POC5: variants seen among roughly 807,000 people sequenced by gnomAD.
The protein encoded by POC5 is centrosomal protein POC5.
POC5 carries 48 observed loss-of-function variants against 62.9 expected under a neutral mutation model. The observed-to-expected ratio is 0.76, with a 90% CI of 0.61 to 0.97. POC5 has a LOEUF of 0.97. Ranked by LOEUF, POC5 falls within the 50% of genes least tolerant of loss-of-function variation. POC5 has a pLI of 0.00. For synonymous variants in POC5, 236 were observed against 228.2 expected (o/e 1.03, Z -0.31); for missense variants, 696 against 679.5 (o/e 1.02, Z -0.27).
intron 1 of POC5, 101 bp downstream of exon 1, chr5:75,717,205 C>G (rs1320712720): frequency 6.6e-6 from 1 of 152,386 alleles, no homozygotes; most frequent in Non-Finnish European, 1.5e-5. Flanking sequence ...TGGGGAAGAG[C>G]CCAGGGGGAG....
At chr5:75,702,937 C>T (rs922489873) in intron 4 of POC5, 127 bp from the exon 5 acceptor site, 15 of 693,634 alleles carry the variant, frequency 2.2e-5, no homozygotes, top group Middle Eastern at 3.7e-4. Flanking sequence ...AGAGAAACTA[C>T]CTTTCAGGTG....
Position 75,689,183 on chromosome 5 carries a change from A to T in POC5, c.976-18T>A. ...CCAGATAACTAAAATAAGAATGTTT[A>T]AAAAGCAAAACAATTTGAGATACAA... On this transcript the variant is annotated intron_variant, in intron 8 of 11. Coordinates refer to ENST00000428202, the MANE Select transcript of POC5 (RefSeq NM_001099271.2). The T allele has an allele frequency of 6.6e-7, 1 of 1,515,530 alleles. No homozygotes were observed. 93.9% of individuals were successfully genotyped at this position (1,515,530 alleles called of 1,614,324 possible).
chr5:75,711,212 T>C (rs1261956506), intron 2 of POC5, among the ~76,000 whole-genome samples: 2 of 152,302 alleles, frequency 1.3e-5, no homozygotes, highest in African/African-American at 4.8e-5. Flanking sequence ...ATAAACAATA[T>C]TGGCTTTCTT....
intron 4 of POC5, among the ~76,000 whole-genome samples, chr5:75,703,512 G>C (rs1399087108): frequency 6.6e-6 from 1 of 152,078 alleles, no homozygotes; most frequent in African/African-American, 2.4e-5. Flanking sequence ...TATAGTCCCA[G>C]CTACTCGGGA....
chr5:75,711,409 T>A (rs2112212395), intron 2 of POC5, among the ~76,000 whole-genome samples: 1 of 152,280 alleles, frequency 6.6e-6, no homozygotes, highest in East Asian at 1.9e-4. Flanking sequence ...GCACTATGGA[T>A]GCTGCCCATC....
intron 5 of POC5, among the ~76,000 whole-genome samples, chr5:75,700,697 A>T (rs1561476450): frequency 6.8e-6 from 1 of 146,728 alleles, no homozygotes; most frequent in Middle Eastern, 3.4e-3. Context: ...AGCAATGGCA[A>T]CAAAAGCCAA....
intron 5 of POC5, among the ~76,000 whole-genome samples, chr5:75,695,339 C>A (rs576448292): frequency 6.6e-6 from 1 of 151,992 alleles, no homozygotes; most frequent in Non-Finnish European, 1.5e-5. Flanking sequence ...CTGACTGGCA[C>A]AAATAAAAAG....
chr5:75,712,435 G>A, intron 2 of POC5: 1 of 1,612,174 alleles, frequency 6.2e-7, no homozygotes. Context: ...TGAATGTTGT[G>A]ACAACAGAGA....
At chr5:75,703,423 T>TG (rs2112180311) in intron 4 of POC5, among the ~76,000 whole-genome samples, 1 of 151,432 alleles carries the variant, frequency 6.6e-6, no homozygotes, top group Admixed American at 6.6e-5. Flanking sequence ...GTCCAGAGAT[T>TG]GAGACCATCC....
Position 75,688,737 on chromosome 5 carries a change from A to G in POC5, c.1129+275T>C, listed in dbSNP as rs78281118. Among the ~76,000 whole-genome samples, 970 of 152,362 alleles carry G rather than the reference A, an allele frequency of 6.4e-3. 13 individuals carry two copies. Among genetic ancestry groups the G allele is most frequent in the African/African-American group, 0.022 (922 of 41,590 alleles). ...TTCTTAGTTAAAAGAGATTTAAAAT[A>G]ATGCTATACATTAAAATATTATTTT... On this transcript the variant is annotated intron_variant, in intron 9 of 11. Coordinates refer to ENST00000428202, the MANE Select transcript of POC5 (RefSeq NM_001099271.2).
At chr5:75,695,017 T>C (rs1316167776) in intron 5 of POC5, among the ~76,000 whole-genome samples, 186 bp from the exon 6 acceptor site, 1 of 152,238 alleles carries the variant, frequency 6.6e-6, no homozygotes, top group African/African-American at 2.4e-5. Flanking sequence ...GCAGTTCACA[T>C]TCATCATACT....
intron 11 of POC5, among the ~76,000 whole-genome samples, chr5:75,675,703 A>G (rs1219929234): frequency 6.6e-6 from 1 of 152,236 alleles, no homozygotes; most frequent in Non-Finnish European, 1.5e-5. Flanking sequence ...CCAGTCACCT[A>G]ATTAGTTGCC....
chr5:75,701,384 G>A (rs1776872434), intron 5 of POC5, among the ~76,000 whole-genome samples: 1 of 129,298 alleles, frequency 7.7e-6, no homozygotes, highest in South Asian at 2.9e-4. Context: ...GGAATACTAT[G>A]CAGCCATAAA....
intron 11 of POC5, 28 bp downstream of exon 11, chr5:75,677,746 G>C: frequency 6.6e-7 from 1 of 1,518,178 alleles, no homozygotes; most frequent in South Asian, 1.3e-5. Flanking sequence ...AAGACTTTTT[G>C]ACAAAAGGTC....
chr5:75,712,171 CA>C (rs1777372590), intron 2 of POC5: 1 of 246,138 alleles, frequency 4.1e-6, no homozygotes. Context: ...CGTACAGAAT[CA>C]ATAACAATTT....
chr5:75,679,923 A>G (rs937216919), intron 10 of POC5, among the ~76,000 whole-genome samples: 2 of 152,172 alleles, frequency 1.3e-5, no homozygotes, highest in Non-Finnish European at 2.9e-5. Flanking sequence ...AGTTAGGGAG[A>G]GGAATTTAGA....
chr5:75,708,135 G>A (rs1185299521), intron 2 of POC5, among the ~76,000 whole-genome samples: 2 of 152,128 alleles, frequency 1.3e-5, no homozygotes, highest in Non-Finnish European at 2.9e-5. Flanking sequence ...TGAGGCAGGA[G>A]GATGGCTTGA....
chr5:75,675,024 C>T (rs951604357), intron 11 of POC5, among the ~76,000 whole-genome samples: 3 of 152,158 alleles, frequency 2.0e-5, no homozygotes, highest in Non-Finnish European at 2.9e-5. Context: ...CAGGGGCACA[C>T]GGAAGCCCTC....
Position 75,690,486 on chromosome 5 carries a change from A to G in POC5, c.872T>C (p.Val291Ala), listed in dbSNP as rs748913279. The change falls in exon 8 of 12, where the codon GTA (valine) becomes GCA (alanine). Residue 291 changes from valine to alanine, a missense_variant. Physicochemically the swap from Val to Ala is moderately conservative, Grantham distance 64. Coordinates refer to ENST00000428202, the MANE Select transcript of POC5 (RefSeq NM_001099271.2). Reference sequence around the variant, plus strand: ...CACATCTTTCCACTGCTTTTGCACTACGGAACGCCAGACTTTCCAGACTTT... The same window carrying G: ...CACATCTTTCCACTGCTTTTGCACTGCGGAACGCCAGACTTTCCAGACTTT... ...LKKVWKVWRS[V>A]VQKQWKDVVE... 1 of 1,609,108 alleles carries G rather than the reference A, an allele frequency of 6.2e-7. No homozygotes were observed. Among genetic ancestry groups the G allele is most frequent in the Non-Finnish European group, 8.5e-7 (1 of 1,177,374 alleles).
Sources: allele counts gnomAD v4.1 joint callset (sites outside exome capture counted in the v4.1 genomes callset), GRCh38; gene constraint gnomAD v4.1.1; transcripts MANE v1.5; gene names NCBI Gene and HGNC (gene_info 2026-07-23, HGNC 2026-07-21).